The following UTRN variants were observed in gnomAD, a reference collection of about 807,000 sequenced individuals.
UTRN encodes dystrophin-related protein 1.
In UTRN, 283 loss-of-function variants were observed where a neutral mutation model predicts 463.9. The ratio of observed to expected loss-of-function variants is 0.61; its 90% confidence interval spans 0.55 to 0.67. The LOEUF is 0.67. UTRN is among the 30% of genes least tolerant of loss of function. The pLI is 0.00. For synonymous variants in UTRN, 1,442 were observed against 1,431.5 expected, an observed-to-expected ratio of 1.01 and a Z score of -0.17; for missense variants, 3,922 against 4,084.3, an observed-to-expected ratio of 0.96 and a Z score of 1.08.
intron 33 of UTRN, among the ~76,000 whole-genome samples, chr6:144,495,132 C>T (rs1793485998): frequency 1.3e-5 from 2 of 152,378 alleles, no homozygotes; most frequent in African/African-American, 2.4e-5. Context: ...GCCTTCCAGT[C>T]CCGCACCGTG....
intron 28 of UTRN, 66 bp from the exon 29 acceptor site, chr6:144,487,481 TG>T: frequency 7.1e-7 from 1 of 1,400,784 alleles, no homozygotes. Context: ...ATAGACATTT[TG>T]GGGATCCTTG....
At chr6:144,325,811 G>T (rs1001666522) in intron 2 of UTRN, among the ~76,000 whole-genome samples, 2 of 152,058 alleles carry the variant, frequency 1.3e-5, no homozygotes, top group Admixed American at 6.6e-5. Flanking sequence ...GGGGAAATAG[G>T]AATGTGGCCT....
At chr6:144,417,271 C>T (rs182367005) in intron 3 of UTRN, among the ~76,000 whole-genome samples, 4 of 152,218 alleles carry the variant, frequency 2.6e-5, no homozygotes, top group African/African-American at 9.6e-5. Flanking sequence ...TATTTTCTTC[C>T]CTATCTGTCC....
chr6:144,800,414 C>A (rs1056794309), intron 64 of UTRN, among the ~76,000 whole-genome samples: 1 of 152,122 alleles, frequency 6.6e-6, no homozygotes, highest in Non-Finnish European at 1.5e-5. Flanking sequence ...TAAGTTTCTG[C>A]TAGTACTATC....
At chr6:144,503,009 G>A (rs1222828674) in intron 34 of UTRN, among the ~76,000 whole-genome samples, 1 of 152,176 alleles carries the variant, frequency 6.6e-6, no homozygotes, top group Non-Finnish European at 1.5e-5. Context: ...CAGTGATGAT[G>A]AGCTTTTTTT....
intron 46 of UTRN, among the ~76,000 whole-genome samples, chr6:144,546,175 G>C (rs1798387687): frequency 6.6e-6 from 1 of 152,186 alleles, no homozygotes; most frequent in South Asian, 2.1e-4. Flanking sequence ...ATCTAGTGAT[G>C]GAATCACTGG....
chr6:144,627,686 T>A (rs1776087005), intron 51 of UTRN, among the ~76,000 whole-genome samples: 1 of 152,190 alleles, frequency 6.6e-6, no homozygotes, highest in Admixed American at 6.5e-5. Context: ...ACTCTTACCT[T>A]ATACAAGTGG....
At chr6:144,472,770 ATTTT>A (rs61374314) in intron 23 of UTRN, among the ~76,000 whole-genome samples, 2 of 139,580 alleles carry the variant, frequency 1.4e-5, no homozygotes, top group Non-Finnish European at 1.6e-5. Context: ...ACTTACTTGC[ATTTT>A]TTTTTTTTTT....
chr6:144,557,176 G>T lies in UTRN; in HGVS notation c.7154G>T (p.Gly2385Val). 4 of 1,613,838 alleles carry T rather than the reference G, an allele frequency of 2.5e-6. No homozygotes were observed. Among genetic ancestry groups the T allele is most frequent in the Middle Eastern group, 1.7e-4 (1 of 6,058 alleles). Residue 2385 changes from glycine (G) to valine (V), a missense_variant, in exon 50 of 75, where the codon GGT (glycine) becomes GTT (valine). This residue lies in a region of UTRN where 1,309 missense variants were observed against 1,452.6 expected (regional missense o/e 0.90). Transcript: ENST00000367545. Reference protein sequence around the residue: ...SDNQILLQELGPGDGIVMAFD... With the variant: ...SDNQILLQELVPGDGIVMAFD... ...CCTCAGATACTGCTTCAAGAACTGG[G>T]TCCTGGAGATGGTATCGTCATGGCG...
chr6:144,491,978 A>G (rs1484418368), intron 32 of UTRN, among the ~76,000 whole-genome samples: 1 of 152,170 alleles, frequency 6.6e-6, no homozygotes, highest in African/African-American at 2.4e-5. Flanking sequence ...TTTGACCTAC[A>G]GAACTACGAT....
At chr6:144,512,825 C>T (rs1258251832) in intron 35 of UTRN, among the ~76,000 whole-genome samples, 7 of 152,170 alleles carry the variant, frequency 4.6e-5, no homozygotes, top group Non-Finnish European at 8.8e-5. Flanking sequence ...CAGGCGTGAG[C>T]CACCACACCC....
chr6:144,433,583 A>T (rs1786166467), intron 9 of UTRN, among the ~76,000 whole-genome samples: 1 of 148,960 alleles, frequency 6.7e-6, no homozygotes, highest in African/African-American at 2.5e-5. Context: ...CTCCCTTCTC[A>T]GATGGGGCGG....
intron 51 of UTRN, among the ~76,000 whole-genome samples, chr6:144,578,595 G>A (rs1301073189): frequency 6.6e-5 from 10 of 152,082 alleles, no homozygotes; most frequent in African/African-American, 1.2e-4. Context: ...TCGGTCTCCC[G>A]AAGTGCTGGG....
At chr6:144,486,656 G>T (rs2128576781) in intron 28 of UTRN, among the ~76,000 whole-genome samples, 1 of 152,242 alleles carries the variant, frequency 6.6e-6, no homozygotes, top group African/African-American at 2.4e-5. Flanking sequence ...TGAGTAGCTG[G>T]GATCACAGGC....
chr6:144,615,439 C>T (rs1156514114), intron 51 of UTRN, among the ~76,000 whole-genome samples: 1 of 152,156 alleles, frequency 6.6e-6, no homozygotes. Flanking sequence ...TCCTGGGAAG[C>T]CTATCTCACT....
rs139778665 is a variant in UTRN at position 144,458,977 on chromosome 6, G to A, written c.2492G>A (p.Arg831Gln). Residue 831 changes from arginine to glutamine, a missense_variant, in exon 20 of 75, where the codon CGG becomes CAG. By Grantham distance (43) the Arg-to-Gln change is conservative (BLOSUM62 1). Transcript: ENST00000367545. ...CACACTTCCATTTCTGAATCTTCCCGGCAGTCCTTGCCAAGCTTGAAGGAT... is the reference window on the plus strand; with the variant it reads ...CACACTTCCATTTCTGAATCTTCCCAGCAGTCCTTGCCAAGCTTGAAGGAT... ...VKHTSISESS[R>Q]QSLPSLKDSC... 39 of 1,608,700 alleles carry A rather than the reference G, an allele frequency of 2.4e-5. No individual in the cohort carries two copies. Among genetic ancestry groups the A allele is most frequent in the Admixed American group, 1.9e-4 (11 of 58,910 alleles).
intron 51 of UTRN, among the ~76,000 whole-genome samples, chr6:144,599,873 G>A (rs1438332019): frequency 6.6e-6 from 1 of 152,070 alleles, no homozygotes; most frequent in Non-Finnish European, 1.5e-5. Context: ...AAAGTTTGTG[G>A]CAACCCTCTG....
intron 2 of UTRN, among the ~76,000 whole-genome samples, chr6:144,393,707 A>G (rs147603050): frequency 0.013 from 1,926 of 152,262 alleles, 16 homozygotes; most frequent in Non-Finnish European, 0.02. Context: ...AAAGTAGAAC[A>G]GGCAGAAGGA....
intron 33 of UTRN, among the ~76,000 whole-genome samples, chr6:144,496,257 A>G (rs1294802589): frequency 2.0e-5 from 3 of 152,212 alleles, no homozygotes; most frequent in African/African-American, 7.2e-5. Flanking sequence ...GTAATATTGA[A>G]GTTTCTATAT....
Sources: allele counts gnomAD v4.1 joint callset (sites outside exome capture counted in the v4.1 genomes callset), GRCh38; gene constraint gnomAD v4.1.1; regional missense constraint gnomAD v4.1.1; transcripts MANE v1.5; gene names NCBI Gene and HGNC (gene_info 2026-07-23, HGNC 2026-07-21).